Variants in ELP4 observed in about 807,000 individuals in gnomAD.
ELP4 encodes the protein elongator complex protein 4.
Under a neutral mutation model 48.9 loss-of-function variants are expected in ELP4, and 51 were observed. The ratio of observed to expected loss-of-function variants is 1.04; its 90% CI spans 0.83 to 1.32. ELP4 has a LOEUF of 1.32. ELP4 is among the 40% of genes most tolerant of loss of function. The pLI, the probability that ELP4 is intolerant of heterozygous loss-of-function variation, is 0.00. For synonymous variants in ELP4, 210 were observed against 189.2 expected (o/e 1.11, Z -0.90); for missense variants, 519 against 514.6 (o/e 1.01, Z -0.08).
intron 2 of ELP4, among the ~76,000 whole-genome samples, chr11:31,538,251 ATT>A (rs1328447342): frequency 2.0e-5 from 3 of 149,032 alleles, no homozygotes; most frequent in Admixed American, 6.7e-5. Context: ...TATGATATAT[ATT>A]ACTATATAAA....
At chr11:31,573,712 T>G (rs1442923040) in intron 3 of ELP4, 1 of 152,158 alleles carries the variant, frequency 6.6e-6, no homozygotes, top group Non-Finnish European at 1.5e-5. Context: ...ACCATCTCAT[T>G]AGGGGATAGG....
intron 3 of ELP4, among the ~76,000 whole-genome samples, chr11:31,554,799 C>G (rs1192157343): frequency 3.3e-5 from 5 of 152,116 alleles, no homozygotes; most frequent in Non-Finnish European, 7.4e-5. Flanking sequence ...GGAATGTGTT[C>G]TAGTGTCATC....
At chr11:31,771,750 C>T (rs1025843766) in intron 9 of ELP4, among the ~76,000 whole-genome samples, 5 of 152,140 alleles carry the variant, frequency 3.3e-5, no homozygotes, top group Admixed American at 1.3e-4. Flanking sequence ...GAGGCCAAGG[C>T]GGGCAGATCA....
At chr11:31,745,810 T>C (rs945965963) in intron 9 of ELP4, among the ~76,000 whole-genome samples, 7 of 152,086 alleles carry the variant, frequency 4.6e-5, no homozygotes, top group Non-Finnish European at 7.4e-5. Flanking sequence ...CTAGGCAATA[T>C]CATTCAGGAC....
intron 9 of ELP4, among the ~76,000 whole-genome samples, chr11:31,667,834 T>C (rs7935213): frequency 1.4e-4 from 22 of 151,950 alleles, no homozygotes; most frequent in Non-Finnish European, 2.9e-4. Flanking sequence ...CTCGTGCTAC[T>C]CAGACTGGAT....
At chr11:31,753,018 G>T (rs1335349968) in intron 9 of ELP4, among the ~76,000 whole-genome samples, 1 of 152,016 alleles carries the variant, frequency 6.6e-6, no homozygotes, top group African/African-American at 2.4e-5. Flanking sequence ...CTGTATAAGG[G>T]TCATCGAGAA....
chr11:31,652,922 T>G (rs1191377646), intron 9 of ELP4: 3 of 151,654 alleles, frequency 2.0e-5, no homozygotes, highest in African/African-American at 4.8e-5. Flanking sequence ...TAGGGCAACT[T>G]TTTTTTAATT....
At chr11:31,566,718 C>T (rs1957117581) in intron 3 of ELP4, among the ~76,000 whole-genome samples, 2 of 152,122 alleles carry the variant, frequency 1.3e-5, no homozygotes, top group Non-Finnish European at 2.9e-5. Flanking sequence ...TAAGATGCAT[C>T]ATTATTAAAT....
intron 9 of ELP4, among the ~76,000 whole-genome samples, chr11:31,689,746 C>G (rs1946235940): frequency 6.6e-6 from 1 of 152,170 alleles, no homozygotes; most frequent in Non-Finnish European, 1.5e-5. Context: ...AAACTTGACT[C>G]TACCACTTAT....
chr11:31,775,686 G>T (rs910339036), intron 9 of ELP4, among the ~76,000 whole-genome samples: 1 of 152,008 alleles, frequency 6.6e-6, no homozygotes, highest in Non-Finnish European at 1.5e-5. Flanking sequence ...AAGCTTAAAG[G>T]CCAGGTGCGA....
At chr11:31,544,449 G>A (rs1956657066) in intron 3 of ELP4, among the ~76,000 whole-genome samples, 1 of 152,220 alleles carries the variant, frequency 6.6e-6, no homozygotes, top group African/African-American at 2.4e-5. Flanking sequence ...GGCTGGGGGA[G>A]GGGTGCCCGC....
chr11:31,558,744 T>C (rs1348565579), intron 3 of ELP4, among the ~76,000 whole-genome samples: 3 of 152,164 alleles, frequency 2.0e-5, no homozygotes, highest in Non-Finnish European at 4.4e-5. Flanking sequence ...TCTTAAAGCA[T>C]TTATTTTAGT....
intron 9 of ELP4, among the ~76,000 whole-genome samples, chr11:31,658,902 C>G (rs1945494861): frequency 6.6e-6 from 1 of 151,884 alleles, no homozygotes; most frequent in Non-Finnish European, 1.5e-5. Flanking sequence ...CTATTTTTCT[C>G]TTTTGCAAAA....
chr11:31,707,033 A>G (rs927624634), intron 9 of ELP4: 10 of 398,322 alleles, frequency 2.5e-5, no homozygotes, highest in African/African-American at 2.1e-4. Context: ...ATAGTGCTGC[A>G]GTAGACGTGG....
At chr11:31,629,791 C>G (rs1383734042) in intron 6 of ELP4, among the ~76,000 whole-genome samples, 29 of 130,212 alleles carry the variant, frequency 2.2e-4, no homozygotes, top group Non-Finnish European at 4.6e-4. Flanking sequence ...GTATGTTTCT[C>G]TCCCTTTTTC....
In ELP4 at chr11:31,765,450, T is replaced by C. The variant is rs369401510; in HGVS notation, c.1144-17943T>C. ...ATTTTTTATAAGTTAAACAGACTCT[T>C]TTTAATATTTGGATACATTCTAATC... On this transcript the variant is annotated intron_variant, in intron 9 of 9. Coordinates refer to ENST00000640961, the MANE Select transcript of ELP4 (RefSeq NM_019040.5). Among the ~76,000 whole-genome samples the C allele has an allele frequency of 2.0e-5, 3 of 152,280 alleles. No homozygotes were observed. In the South Asian group the frequency reaches 6.2e-4, roughly 32 times the overall value.
At chr11:31,731,519 A>G (rs570683980) in intron 9 of ELP4, among the ~76,000 whole-genome samples, 4 of 151,834 alleles carry the variant, frequency 2.6e-5, no homozygotes, top group Admixed American at 2.6e-4. Context: ...AGCAAAAAGA[A>G]AAAAAGAATG....
chr11:31,531,052 A>G (rs568271032), intron 2 of ELP4, among the ~76,000 whole-genome samples: 1 of 152,284 alleles, frequency 6.6e-6, no homozygotes, highest in African/African-American at 2.4e-5. Flanking sequence ...TTATTGTACA[A>G]CCTCAAAATT....
At chr11:31,671,206 A>G (rs1180858561) in intron 9 of ELP4, among the ~76,000 whole-genome samples, 1 of 152,188 alleles carries the variant, frequency 6.6e-6, no homozygotes, top group East Asian at 1.9e-4. Flanking sequence ...CTTTGCTTAC[A>G]CATTTATACG....
Sources: gnomAD v4.1 joint callset for allele counts (sites outside exome capture counted in the v4.1 genomes callset) on GRCh38, gnomAD v4.1.1 for gene constraint, MANE v1.5 for transcripts, NCBI Gene and HGNC (gene_info 2026-07-23, HGNC 2026-07-21) for gene names.